The following LRMDA variants were observed in gnomAD, a reference collection of about 807,000 sequenced individuals.
LRMDA encodes leucine rich melanocyte differentiation associated.
Under a neutral mutation model 29.8 loss-of-function variants are expected in LRMDA, and 18 were observed. That is an observed-to-expected ratio of 0.60 (90% confidence interval 0.42 to 0.90). LRMDA has a LOEUF of 0.90. Among genes scored for constraint, LRMDA ranks in the 40% least tolerant of loss-of-function variants. LRMDA has a pLI of 0.00. For synonymous variants in LRMDA, 125 were observed against 109.4 expected (o/e 1.14, Z -0.89); for missense variants, 273 against 273.9 (o/e 1.00, Z 0.02).
Position 76,100,800 on chromosome 10 carries a change from T to C in LRMDA, c.516+42017T>C, listed in dbSNP as rs192126437. ...CTGCCTTTCCATTAGTAGCATCTGCTCCCTCCTGTAGAATTGAGGGTAGCT... is the reference window on the plus strand; with the variant it reads ...CTGCCTTTCCATTAGTAGCATCTGCCCCCTCCTGTAGAATTGAGGGTAGCT... On this transcript the variant is annotated intron_variant, in intron 5 of 6. Coordinates refer to ENST00000611255, the MANE Select transcript of LRMDA (RefSeq NM_001305581.2). Among the ~76,000 whole-genome samples the C allele has an allele frequency of 6.3e-3, 953 of 152,252 alleles. 33 individuals are homozygous for C. The highest frequency in any genetic ancestry group is 0.056 in the Admixed American group (859 of 15,286).
At chr10:75,476,448 A>G (rs1844792260) in intron 2 of LRMDA, among the ~76,000 whole-genome samples, 2 of 152,152 alleles carry the variant, frequency 1.3e-5, no homozygotes, top group South Asian at 4.1e-4. Flanking sequence ...TTAGTGGTGC[A>G]GCCATCCTCC....
In LRMDA at chr10:75,513,242, C is replaced by A. The variant is rs138610763; in HGVS notation, c.131+74748C>A. On this transcript the variant is annotated intron_variant, in intron 2 of 6. Transcript: ENST00000611255. ...AACTTCAGGGTTGATTTTTGTTTCT[C>A]GTTCCATTCCATTACGTGCATGCTT... 6.6e-5 allele frequency among the ~76,000 whole-genome samples: 10 copies of A among 152,294 alleles called. 1 individual carries two copies. Among genetic ancestry groups the A allele is most frequent in the African/African-American group, 2.4e-4 (10 of 41,576 alleles).
At chr10:76,506,131 CTT>C (rs1357405292) in intron 6 of LRMDA, among the ~76,000 whole-genome samples, 5 of 152,082 alleles carry the variant, frequency 3.3e-5, no homozygotes, top group African/African-American at 9.7e-5. Context: ...GGTATTTTCT[CTT>C]TGAAAATCTG....
At chr10:75,628,778 T>C (rs985846440) in intron 2 of LRMDA, among the ~76,000 whole-genome samples, 1 of 152,126 alleles carries the variant, frequency 6.6e-6, no homozygotes, top group African/African-American at 2.4e-5. Context: ...TTAGAACTGC[T>C]GTGTCTCCTC....
intron 5 of LRMDA, among the ~76,000 whole-genome samples, chr10:76,137,271 T>A (rs1850112145): frequency 6.6e-6 from 1 of 152,232 alleles, no homozygotes; most frequent in Non-Finnish European, 1.5e-5. Context: ...CAGTCATTCC[T>A]GTCTCTAGCT....
chr10:75,592,633 C>T (rs533208569), intron 2 of LRMDA, among the ~76,000 whole-genome samples: 1 of 152,192 alleles, frequency 6.6e-6, no homozygotes, highest in East Asian at 1.9e-4. Flanking sequence ...TCGGGCATAA[C>T]GGGTTTCCTC....
At chr10:76,247,224 C>T (rs1022524155) in intron 5 of LRMDA, among the ~76,000 whole-genome samples, 1 of 152,156 alleles carries the variant, frequency 6.6e-6, no homozygotes, top group Non-Finnish European at 1.5e-5. Context: ...TACAAAACTA[C>T]ATTTTCTGAT....
At chr10:75,639,626 A>G (rs1471627367) in intron 2 of LRMDA, among the ~76,000 whole-genome samples, 2 of 152,152 alleles carry the variant, frequency 1.3e-5, no homozygotes, top group African/African-American at 4.8e-5. Context: ...GTGCTCCTGA[A>G]GCGGCTGATT....
At chr10:75,557,183 G>A (rs916523245) in intron 2 of LRMDA, among the ~76,000 whole-genome samples, 9 of 151,734 alleles carry the variant, frequency 5.9e-5, no homozygotes, top group Non-Finnish European at 1.3e-4. Context: ...GTGTGGTGGC[G>A]GGTGTCTGTA....
At chr10:75,783,376 T>C (rs1032846999) in intron 2 of LRMDA, among the ~76,000 whole-genome samples, 1 of 151,836 alleles carries the variant, frequency 6.6e-6, no homozygotes, top group African/African-American at 2.4e-5. Flanking sequence ...GGAAGTTGAG[T>C]GTGTAGCACA....
chr10:76,286,078 CT>C (rs1195900988), intron 5 of LRMDA, among the ~76,000 whole-genome samples: 1 of 152,104 alleles, frequency 6.6e-6, no homozygotes, highest in African/African-American at 2.4e-5. Context: ...TCACTCTGGG[CT>C]TTTTATTCTC....
At chr10:76,010,852 A>C (rs1266294503) in intron 2 of LRMDA, among the ~76,000 whole-genome samples, 1 of 152,250 alleles carries the variant, frequency 6.6e-6, no homozygotes, top group African/African-American at 2.4e-5. Context: ...CCCTCTGCAG[A>C]GATGCAAGCA....
intron 2 of LRMDA, among the ~76,000 whole-genome samples, chr10:75,660,201 T>C (rs979271235): frequency 6.6e-6 from 1 of 152,224 alleles, no homozygotes; most frequent in African/African-American, 2.4e-5. Flanking sequence ...AAATAAAGCC[T>C]TCATCTACTC....
intron 2 of LRMDA, among the ~76,000 whole-genome samples, chr10:75,982,782 A>G (rs568140918): frequency 3.9e-5 from 6 of 152,328 alleles, no homozygotes; most frequent in African/African-American, 1.4e-4. Context: ...ACAGAAAAGG[A>G]GAGAGAACTT....
At chr10:75,769,592 ATTTAT>A (rs966612127) in intron 2 of LRMDA, among the ~76,000 whole-genome samples, 1 of 152,142 alleles carries the variant, frequency 6.6e-6, no homozygotes, top group African/African-American at 2.4e-5. Context: ...AGGTGTGTTA[ATTTAT>A]TTTATTTTTT....
In LRMDA at chr10:76,498,063, A is replaced by C. The variant is rs1177374477; in HGVS notation, c.602-59146A>C. ...GCCCCATCCTCTTCCCAAATATTGGAGCTTCCTGTTGAAGAGACCTTTATG... is the reference window on the plus strand; with the variant it reads ...GCCCCATCCTCTTCCCAAATATTGGCGCTTCCTGTTGAAGAGACCTTTATG... On this transcript the variant is annotated intron_variant, in intron 6 of 6. Coordinates refer to ENST00000611255, the MANE Select transcript of LRMDA (RefSeq NM_001305581.2). 5.9e-4 allele frequency among the ~76,000 whole-genome samples: 45 copies of C among 75,714 alleles called. 11 individuals are homozygous for C. The highest frequency in any genetic ancestry group is 1.4e-3 in the African/African-American group (43 of 31,110). The allele number at this position is 75,714 out of a possible 152,430, so 49.7% of individuals were successfully genotyped here.
At chr10:75,866,691 C>T (rs781566067) in intron 2 of LRMDA, among the ~76,000 whole-genome samples, 2 of 152,194 alleles carry the variant, frequency 1.3e-5, no homozygotes, top group Admixed American at 1.3e-4. Flanking sequence ...AAATTGACCT[C>T]ACCCAGGAAC....
At chr10:75,951,897 T>C (rs1418947659) in intron 2 of LRMDA, among the ~76,000 whole-genome samples, 1 of 152,204 alleles carries the variant, frequency 6.6e-6, no homozygotes, top group Non-Finnish European at 1.5e-5. Context: ...AAACGTTACC[T>C]GCGGTCCTGG....
intron 2 of LRMDA, among the ~76,000 whole-genome samples, chr10:75,487,787 G>T (rs7073194): frequency 2.6e-5 from 4 of 152,126 alleles, no homozygotes; most frequent in Admixed American, 2.0e-4. Flanking sequence ...TTGCAGGGTC[G>T]GCCAAGCTCT....
Sources: allele counts gnomAD v4.1 joint callset (sites outside exome capture counted in the v4.1 genomes callset), GRCh38; gene constraint gnomAD v4.1.1; transcripts MANE v1.5; gene names NCBI Gene and HGNC (gene_info 2026-07-23, HGNC 2026-07-21).